TEX11: variants seen among roughly 807,000 people sequenced by gnomAD.
TEX11 encodes testis-expressed protein 11.
In TEX11, 7 loss-of-function variants were observed where a neutral mutation model predicts 84.4. That is an observed-to-expected ratio of 0.08 (90% CI 0.05 to 0.16). The LOEUF (loss-of-function observed/expected upper bound fraction) is 0.16, where lower values mean the gene tolerates loss of function less well. Among genes scored for constraint, TEX11 ranks in the 10% least tolerant of loss-of-function variants. TEX11 has a pLI of 1.00. For missense variants in TEX11, 551 were observed against 660.5 expected, an observed-to-expected ratio of 0.83 and a Z score of 1.82; for synonymous variants, 264 against 222.8, an observed-to-expected ratio of 1.18 and a Z score of -1.64.
chrX:70,861,895 A>G (rs2147859493), intron 4 of TEX11, among the ~76,000 whole-genome samples: 1 of 112,238 alleles, frequency 8.9e-6, no homozygotes, highest in African/African-American at 3.2e-5. Flanking sequence ...TGTAAATTCA[A>G]TTGATCTAAA....
At chrX:70,650,238 A>G (rs1220176901) in intron 17 of TEX11, among the ~76,000 whole-genome samples, 1 of 111,159 alleles carries the variant, frequency 9.0e-6, no homozygotes, top group Non-Finnish European at 1.9e-5. Flanking sequence ...CAGAATTTTT[A>G]ACATATATAA....
chrX:70,839,537 GA>G (rs760081044), intron 7 of TEX11, among the ~76,000 whole-genome samples: 1 of 111,426 alleles, frequency 9.0e-6, no homozygotes, highest in African/African-American at 3.3e-5. Context: ...ACAAAGATGG[GA>G]AAAAAACAGA....
At chrX:70,570,445 T>C (rs2088577388) in intron 25 of TEX11, among the ~76,000 whole-genome samples, 1 of 112,256 alleles carries the variant, frequency 8.9e-6, no homozygotes, top group African/African-American at 3.2e-5. Context: ...CACTCCCTAA[T>C]GAGATGAACC....
At chrX:70,584,139 C>T (rs1219012069) in intron 25 of TEX11, among the ~76,000 whole-genome samples, 1 of 107,711 alleles carries the variant, frequency 9.3e-6, no homozygotes, top group African/African-American at 3.4e-5. Flanking sequence ...AAAAATTAGC[C>T]GGGCGCGGTG....
intron 25 of TEX11, among the ~76,000 whole-genome samples, chrX:70,581,470 T>C (rs2088775236): frequency 9.1e-6 from 1 of 109,301 alleles, no homozygotes; most frequent in African/African-American, 3.3e-5. Flanking sequence ...GGCTAATTTT[T>C]TGTATTTTTA....
intron 9 of TEX11, among the ~76,000 whole-genome samples, chrX:70,771,293 A>C (rs774972345): frequency 3.6e-5 from 4 of 112,335 alleles, no homozygotes; most frequent in Non-Finnish European, 3.8e-5. Flanking sequence ...CTAACCTATA[A>C]GTCAAAGAAG....
At chrX:70,631,303 G>A (rs1473648163) in intron 17 of TEX11, among the ~76,000 whole-genome samples, 2 of 112,209 alleles carry the variant, frequency 1.8e-5, no homozygotes, top group Non-Finnish European at 3.8e-5. Flanking sequence ...TATGATCTTT[G>A]ACTACAATGA....
In TEX11 at chrX:70,651,572, G is replaced by C. The variant is rs1282054002; in HGVS notation, c.1381-20C>G. ...TTTGGCCTGGAAAGAAAAACACTGG[G>C]TCATTTTAATAAAATCTACAAGGAA... On this transcript the variant is annotated intron_variant, in intron 16 of 29. Coordinates refer to ENST00000374333, the MANE Select transcript of TEX11 (RefSeq NM_031276.3). 8.9e-7 allele frequency: 1 copy of C among 1,129,673 alleles called. No individual in the cohort carries two copies. Among genetic ancestry groups the C allele is most frequent in the African/African-American group, 1.8e-5 (1 of 55,192 alleles). The allele number at this position is 1,129,673 out of a possible 1,213,427, so 93.1% of individuals were successfully genotyped here.
At chrX:70,628,963 A>T (rs2089479127) in intron 18 of TEX11, among the ~76,000 whole-genome samples, 1 of 112,479 alleles carries the variant, frequency 8.9e-6, no homozygotes, top group Non-Finnish European at 1.9e-5. Context: ...TAAACTTAAT[A>T]GTTTATAAAG....
chrX:70,787,097 G>C (rs1176351251), intron 9 of TEX11, among the ~76,000 whole-genome samples: 1 of 111,634 alleles, frequency 9.0e-6, no homozygotes, highest in Non-Finnish European at 1.9e-5. Context: ...TTGTGCCATT[G>C]CACTCCAGCC....
At chrX:70,702,908 T>A (rs1463756859) in intron 13 of TEX11, among the ~76,000 whole-genome samples, 1 of 111,329 alleles carries the variant, frequency 9.0e-6, no homozygotes, top group African/African-American at 3.3e-5. Flanking sequence ...ACAGACAAGG[T>A]TTATTGTCCA....
Position 70,776,357 on chromosome X carries a change from T to A in TEX11, c.692+30348A>T, listed in dbSNP as rs778565524. ...TGGGTGGATTGTTTGAGTCCAGGAG[T>A]TCGAGACCAACCTGGGCAACATTGT... is the stretch of plus-strand genomic sequence containing the variant. On this transcript the variant is annotated intron_variant, in intron 9 of 29. Transcript: ENST00000374333. 4.6e-5 allele frequency among the ~76,000 whole-genome samples: 5 copies of A among 109,444 alleles called. No homozygotes were observed. The South Asian group carries it at 2.0e-3, about 43-fold the overall frequency.
chrX:70,843,116 T>C (rs1471993790), intron 7 of TEX11, among the ~76,000 whole-genome samples: 2 of 111,682 alleles, frequency 1.8e-5, no homozygotes, highest in East Asian at 2.8e-4. Flanking sequence ...CTTCACAGAA[T>C]TGGAAAAAAC....
intron 13 of TEX11, among the ~76,000 whole-genome samples, chrX:70,684,471 A>G (rs2090171653): frequency 9.0e-6 from 1 of 111,481 alleles, no homozygotes; most frequent in South Asian, 3.9e-4. Context: ...CTGTAATCTC[A>G]GCTACTCAGG....
intron 17 of TEX11, among the ~76,000 whole-genome samples, chrX:70,638,952 G>C (rs958486202): frequency 9.0e-6 from 1 of 110,527 alleles, no homozygotes; most frequent in Non-Finnish European, 1.9e-5. Flanking sequence ...ACAGCTCCCA[G>C]CATGAACCAC....
chrX:70,750,929 AAAAAATATATAT>A (rs2090814715), intron 9 of TEX11, among the ~76,000 whole-genome samples: 1 of 26,669 alleles, frequency 3.7e-5, no homozygotes. Flanking sequence ...AATAAAAAAA[AAAAAATATATAT>A]ATATATATAT....
At chrX:70,788,601 C>A (rs1057423733) in intron 9 of TEX11, among the ~76,000 whole-genome samples, 14 of 106,344 alleles carry the variant, frequency 1.3e-4, no homozygotes, top group Non-Finnish European at 2.3e-4. Flanking sequence ...TCAGCATTAC[C>A]CTGATACTAA....
At chrX:70,535,747 C>A (rs764608988) in intron 28 of TEX11, among the ~76,000 whole-genome samples, 3 of 103,481 alleles carry the variant, frequency 2.9e-5, no homozygotes, top group East Asian at 3.1e-4. Context: ...AACTCCATTT[C>A]AAAAAAAAAC....
At chrX:70,749,078 G>C (rs907254758) in intron 9 of TEX11, among the ~76,000 whole-genome samples, 1 of 103,370 alleles carries the variant, frequency 9.7e-6, no homozygotes, top group African/African-American at 3.8e-5. Context: ...CCATTTGTTT[G>C]TATCCTCTTT....
Sources: allele counts gnomAD v4.1 joint callset (sites outside exome capture counted in the v4.1 genomes callset), GRCh38; gene constraint gnomAD v4.1.1; transcripts MANE v1.5; gene names NCBI Gene and HGNC (gene_info 2026-07-23, HGNC 2026-07-21).